NEDD4L: variants seen among roughly 807,000 people sequenced by gnomAD.
The protein encoded by NEDD4L is NEDD4 like E3 ubiquitin protein ligase, also known as E3 ubiquitin-protein ligase NEDD4-like.
A neutral mutation model predicts 148.9 loss-of-function variants in NEDD4L; 54 were observed. That is an observed-to-expected ratio of 0.36 (90% CI 0.29 to 0.45). The LOEUF is 0.45. NEDD4L is among the 20% of genes least tolerant of loss of function. The probability of loss-of-function intolerance (pLI) is 1.00; values close to 1 mark genes in which losing one functional copy is unlikely to be tolerated. For missense variants in NEDD4L, 856 were observed against 1,233.8 expected (o/e 0.69, Z 4.59); for synonymous variants, 433 against 440.7 (o/e 0.98, Z 0.22).
intron 6 of NEDD4L, among the ~76,000 whole-genome samples, chr18:58,317,315 C>T (rs962751364): frequency 6.6e-6 from 1 of 151,990 alleles, no homozygotes; most frequent in African/African-American, 2.4e-5. Flanking sequence ...GTGACTATTT[C>T]ACCTTTTGTG....
intron 18 of NEDD4L, among the ~76,000 whole-genome samples, chr18:58,355,021 C>G (rs1419041210): frequency 3.3e-5 from 5 of 152,184 alleles, no homozygotes; most frequent in Non-Finnish European, 5.9e-5. Context: ...CAGGCCAAGC[C>G]AAAGGGTATC....
rs1408580789 is a variant in NEDD4L, at chr18:58,330,771, G to T, written c.847G>T (p.Ala283Ser). 6.2e-7 allele frequency: 1 copy of T among 1,610,682 alleles called. No homozygotes were observed. The highest frequency in any genetic ancestry group is 1.7e-5 in the Admixed American group (1 of 59,734). The change falls in exon 11 of 31, where the codon GCT becomes TCT. Residue 283 changes from alanine to serine, a missense_variant. By Grantham distance (99) the Ala-to-Ser change is moderately conservative. Transcript: ENST00000400345. ...WETISEEVNI[A>S]GDSLGLALPP... ...GACCATTTCAGAGGAAGTGAATATC[G>T]CTGGAGACTCTCTCGGTCTGGCTCT... is the stretch of plus-strand genomic sequence containing the variant.
At chr18:58,204,465 G>A (rs1305114402) in intron 2 of NEDD4L, among the ~76,000 whole-genome samples, 1 of 152,184 alleles carries the variant, frequency 6.6e-6, no homozygotes, top group Non-Finnish European at 1.5e-5. Context: ...ATGTGACAAG[G>A]TGGTTATGTG....
At chr18:58,186,899 A>G (rs1190620315) in intron 2 of NEDD4L, among the ~76,000 whole-genome samples, 1 of 152,194 alleles carries the variant, frequency 6.6e-6, no homozygotes, top group Non-Finnish European at 1.5e-5. Context: ...GCTGGGAGCC[A>G]CTGGTCTACA....
At chr18:58,293,696 AGTT>A (rs762695390) in intron 5 of NEDD4L, among the ~76,000 whole-genome samples, 1 of 152,098 alleles carries the variant, frequency 6.6e-6, no homozygotes, top group Non-Finnish European at 1.5e-5. Flanking sequence ...GGTTCTCATG[AGTT>A]GTTTATTTTA....
chr18:58,222,054 A>G lies in NEDD4L; in HGVS notation c.123-23373A>G, dbSNP rs550935547. On this transcript the variant is annotated intron_variant, in intron 2 of 30. Transcript: ENST00000400345. ...CTTTCTTGACTGTTTAGAAAAATGT[A>G]CAGCTTTTCTTCCAAAAACCAAAGC... Among the ~76,000 whole-genome samples the G allele has an allele frequency of 7.9e-5, 12 of 152,336 alleles. No individual in the cohort carries two copies. The South Asian group carries it at 1.9e-3, about 24-fold the overall frequency.
intron 1 of NEDD4L, among the ~76,000 whole-genome samples, chr18:58,100,097 T>C (rs936104646): frequency 1.3e-5 from 2 of 152,110 alleles, no homozygotes; most frequent in Non-Finnish European, 1.5e-5. Flanking sequence ...CATGCTGGGA[T>C]GATGCATCCT....
At chr18:58,311,659 C>T (rs935123614) in intron 5 of NEDD4L, among the ~76,000 whole-genome samples, 24 of 152,354 alleles carry the variant, frequency 1.6e-4, no homozygotes, top group African/African-American at 5.3e-4. Context: ...ATTCGAATCA[C>T]ATCCTTCAAG....
intron 6 of NEDD4L, among the ~76,000 whole-genome samples, chr18:58,319,680 A>G (rs1254884500): frequency 6.6e-6 from 1 of 152,196 alleles, no homozygotes; most frequent in Non-Finnish European, 1.5e-5. Flanking sequence ...ACCTGGATGA[A>G]TGCCAAGAAG....
chr18:58,094,301 C>T (rs2084248478), intron 1 of NEDD4L, among the ~76,000 whole-genome samples: 1 of 152,148 alleles, frequency 6.6e-6, no homozygotes, highest in South Asian at 2.1e-4. Flanking sequence ...CCTCTTGCCA[C>T]AGCCTCCCAG....
chr18:58,079,929 C>T (rs2083348137), intron 1 of NEDD4L, among the ~76,000 whole-genome samples: 1 of 152,026 alleles, frequency 6.6e-6, no homozygotes, highest in African/African-American at 2.4e-5. Flanking sequence ...CAAATAATAA[C>T]ATTAATATTA....
intron 2 of NEDD4L, among the ~76,000 whole-genome samples, chr18:58,185,006 G>A (rs1175623098): frequency 6.6e-6 from 1 of 152,138 alleles, no homozygotes; most frequent in East Asian, 1.9e-4. Context: ...CTAACCCTGC[G>A]AGGGAGGGTG....
intron 4 of NEDD4L, among the ~76,000 whole-genome samples, chr18:58,251,541 G>A (rs1032404551): frequency 1.4e-5 from 2 of 148,022 alleles, no homozygotes; most frequent in Non-Finnish European, 3.0e-5. Flanking sequence ...GTGTTTGTGT[G>A]TATGTGTGTG....
intron 1 of NEDD4L, among the ~76,000 whole-genome samples, chr18:58,094,477 G>A (rs1158867126): frequency 6.6e-6 from 1 of 151,150 alleles, no homozygotes; most frequent in Non-Finnish European, 1.5e-5. Flanking sequence ...GTGAGCCACT[G>A]CACCCAGCCA....
At chr18:58,147,317 C>T (rs2034195630) in intron 1 of NEDD4L, among the ~76,000 whole-genome samples, 2 of 152,106 alleles carry the variant, frequency 1.3e-5, no homozygotes, top group African/African-American at 4.8e-5. Context: ...ATGTTCCCTG[C>T]ACCCCTGGCC....
intron 12 of NEDD4L, among the ~76,000 whole-genome samples, chr18:58,335,182 G>T (rs1483999401): frequency 6.6e-6 from 1 of 152,166 alleles, no homozygotes; most frequent in Non-Finnish European, 1.5e-5. Flanking sequence ...CTAATTATTT[G>T]ACAATGGCAG....
intron 5 of NEDD4L, among the ~76,000 whole-genome samples, chr18:58,311,440 C>T (rs1366947987): frequency 6.6e-6 from 1 of 152,194 alleles, no homozygotes; most frequent in African/African-American, 2.4e-5. Flanking sequence ...TAGCTCCTTG[C>T]ACCCTCAACC....
chr18:58,044,517 C>T lies in NEDD4L; in HGVS notation c.-144C>T, dbSNP rs565054214. 55 of 1,164,472 alleles carry T rather than the reference C, an allele frequency of 4.7e-5. No individual in the cohort carries two copies. The highest frequency in any genetic ancestry group is 5.9e-5 in the Non-Finnish European group (54 of 914,832). The allele number at this position is 1,164,472 out of a possible 1,614,324, so 72.1% of individuals were successfully genotyped here. A position where few individuals can be genotyped will look rare whatever the true frequency, so the allele number is the denominator to read the frequency against. ...CGCGCTCTCGGGCACCCTCACCTGC[C>T]GGCGCCCGGCCGCTTACCCGGCAGG... On this transcript the variant is annotated 5_prime_UTR_variant, in exon 1 of 31. Coordinates refer to ENST00000400345, the MANE Select transcript of NEDD4L (RefSeq NM_001144967.3).
At chr18:58,182,213 G>C (rs1599442014) in intron 2 of NEDD4L, among the ~76,000 whole-genome samples, 1 of 152,132 alleles carries the variant, frequency 6.6e-6, no homozygotes, top group African/African-American at 2.4e-5. Flanking sequence ...AACAGAGTAG[G>C]GGGTGCTGAA....
Sources: gnomAD v4.1 joint callset for allele counts (sites outside exome capture counted in the v4.1 genomes callset) on GRCh38, gnomAD v4.1.1 for gene constraint, MANE v1.5 for transcripts, NCBI Gene and HGNC (gene_info 2026-07-23, HGNC 2026-07-21) for gene names.